TRIM44: variants seen among roughly 807,000 people sequenced by gnomAD.
TRIM44 encodes the protein tripartite motif containing 44.
Under a neutral mutation model 37.4 loss-of-function variants are expected in TRIM44, and 13 were observed. The ratio of observed to expected loss-of-function variants is 0.35; its 90% confidence interval spans 0.23 to 0.55. The LOEUF is 0.55. Among genes scored for constraint, TRIM44 ranks in the 20% least tolerant of loss-of-function variants. TRIM44 has a pLI of 0.89. For synonymous variants in TRIM44, 175 were observed against 157.2 expected, an observed-to-expected ratio of 1.11 and a Z score of -0.85; for missense variants, 426 against 437.2, an observed-to-expected ratio of 0.97 and a Z score of 0.23.
chr11:35,768,763 G>A (rs575497614), intron 4 of TRIM44, among the ~76,000 whole-genome samples: 11 of 152,244 alleles, frequency 7.2e-5, no homozygotes, highest in Admixed American at 5.2e-4. Flanking sequence ...AAATGCTTTT[G>A]GTTAGACAAA....
Position 35,809,312 on chromosome 11 carries a change from T to C in TRIM44, c.*2927T>C, listed in dbSNP as rs753296441. 6.6e-6 allele frequency: 1 copy of C among 152,334 alleles called. No homozygotes were observed. The highest frequency in any genetic ancestry group is 1.5e-5 in the Non-Finnish European group (1 of 68,032). The allele number at this position is 152,334 out of a possible 1,614,324, so 9.4% of individuals were successfully genotyped here. On this transcript the variant is annotated 3_prime_UTR_variant, in exon 5 of 5. Transcript: ENST00000299413. ...TCTTGAACGCAGCTCCCCCTAATTC[T>C]GTGGACAGGCACTTTGTACCACACA...
chr11:35,676,050 C>A (rs1776081609), intron 1 of TRIM44, among the ~76,000 whole-genome samples: 1 of 152,136 alleles, frequency 6.6e-6, no homozygotes, highest in South Asian at 2.1e-4. Flanking sequence ...GTTGGCTTTG[C>A]AGTCTGTTTT....
At chr11:35,739,132 T>G (rs1852361032) in intron 4 of TRIM44, among the ~76,000 whole-genome samples, 3 of 152,232 alleles carry the variant, frequency 2.0e-5, no homozygotes, top group Admixed American at 2.0e-4. Flanking sequence ...AATTTCATTG[T>G]GCAGTTATTC....
chr11:35,663,884 A>G, intron 1 of TRIM44, 104 bp downstream of exon 1: 1 of 1,382,328 alleles, frequency 7.2e-7, no homozygotes, highest in African/African-American at 1.4e-5. Context: ...TGTCCCTAAG[A>G]AGCTAGTCTT....
At chr11:35,758,266 T>C (rs1270798714) in intron 4 of TRIM44, among the ~76,000 whole-genome samples, 1 of 152,218 alleles carries the variant, frequency 6.6e-6, no homozygotes, top group East Asian at 1.9e-4. Context: ...GCCTTCTTTG[T>C]CTCTTTTGAT....
intron 2 of TRIM44, among the ~76,000 whole-genome samples, chr11:35,701,033 G>T (rs999631406): frequency 6.6e-6 from 1 of 151,956 alleles, no homozygotes; most frequent in Non-Finnish European, 1.5e-5. Context: ...TTTTTAATTG[G>T]ATTACTGGGT....
At position 35,806,560 on chromosome 11, in the gene TRIM44, T is replaced by C; in HGVS notation, c.*175T>C. 1.5e-6 allele frequency: 1 copy of C among 652,766 alleles called. No homozygotes were observed. The highest frequency in any genetic ancestry group is 2.7e-6 in the Non-Finnish European group (1 of 372,196). 40.4% of individuals were successfully genotyped at this position (652,766 alleles called of 1,614,324 possible). A position where few individuals can be genotyped will look rare whatever the true frequency, so the allele number is the denominator to read the frequency against. ...CTCCAAGGGATGACCAGTTTTATGCTTACTGTGTGCTTCTCATCCCCTGGT... is the reference window on the plus strand; with the variant it reads ...CTCCAAGGGATGACCAGTTTTATGCCTACTGTGTGCTTCTCATCCCCTGGT... On this transcript the variant is annotated 3_prime_UTR_variant, in exon 5 of 5. Coordinates refer to ENST00000299413, the MANE Select transcript of TRIM44 (RefSeq NM_017583.6).
intron 2 of TRIM44, among the ~76,000 whole-genome samples, chr11:35,708,712 G>A (rs1166813445): frequency 2.0e-5 from 3 of 151,780 alleles, no homozygotes; most frequent in African/African-American, 7.3e-5. Context: ...ATTGAACAAT[G>A]AGAACACATG....
chr11:35,749,869 AATAGAG>A (rs1852540028), intron 4 of TRIM44, among the ~76,000 whole-genome samples: 1 of 152,226 alleles, frequency 6.6e-6, no homozygotes, highest in Non-Finnish European at 1.5e-5. Context: ...TTGCCTCCAT[AATAGAG>A]ATGGGATTAT....
In TRIM44 at chr11:35,688,950, C is replaced by T. The variant is rs574783798; in HGVS notation, c.747+3614C>T. Among the ~76,000 whole-genome samples, 9 of 152,166 alleles carry T rather than the reference C, an allele frequency of 5.9e-5. No homozygotes were observed. In the East Asian group the frequency reaches 1.7e-3, roughly 29 times the overall value. On this transcript the variant is annotated intron_variant, in intron 2 of 4. Transcript: ENST00000299413. ...CTTCTTTGAACAAGTAGAAGAGCCC[C>T]TAGAAATAAGTCCAGGTGATTTCAA...
chr11:35,695,537 T>A (rs747139093), intron 2 of TRIM44, among the ~76,000 whole-genome samples: 45 of 152,158 alleles, frequency 3.0e-4, no homozygotes, highest in Admixed American at 1.3e-3. Flanking sequence ...TCAAATGATA[T>A]GATTCTGAAG....
At chr11:35,723,643 A>G (rs959620406) in intron 2 of TRIM44, among the ~76,000 whole-genome samples, 4 of 152,206 alleles carry the variant, frequency 2.6e-5, no homozygotes, top group Non-Finnish European at 5.9e-5. Context: ...TCCATGACTC[A>G]TTCACCTGCT....
In TRIM44 at chr11:35,809,955, C is replaced by A. The variant is rs1395637369; in HGVS notation, c.*3570C>A. Reference sequence around the variant, plus strand: ...CCCTTCATTATCTTGCGTACTACTTCAAAGATTTCTGTCAGCCCTAATTAC... The same window carrying A: ...CCCTTCATTATCTTGCGTACTACTTAAAAGATTTCTGTCAGCCCTAATTAC... On this transcript the variant is annotated 3_prime_UTR_variant, in exon 5 of 5. Transcript: ENST00000299413. 1 of 152,164 alleles carries A rather than the reference C, an allele frequency of 6.6e-6. No individual in the cohort carries two copies. The highest frequency in any genetic ancestry group is 1.5e-5 in the Non-Finnish European group (1 of 68,032). 9.4% of individuals were successfully genotyped at this position (152,164 alleles called of 1,614,324 possible).
rs1012544937 is a variant in TRIM44 at position 35,776,996 on chromosome 11, G to T, written c.1008-29362G>T. Among the ~76,000 whole-genome samples, 43 of 152,138 alleles carry T rather than the reference G, an allele frequency of 2.8e-4. 1 individual carries two copies. Among genetic ancestry groups the T allele is most frequent in the Non-Finnish European group, 1.3e-4 (9 of 68,014 alleles). On this transcript the variant is annotated intron_variant, in intron 4 of 4. Coordinates refer to ENST00000299413, the MANE Select transcript of TRIM44 (RefSeq NM_017583.6). ...CTGCTTGGTGCAGAGCTGAGTTCAA[G>T]TCCTGGATATCCTTGTTAACCTTCT... is the stretch of plus-strand genomic sequence containing the variant.
intron 4 of TRIM44, among the ~76,000 whole-genome samples, chr11:35,742,716 T>C (rs1233730647): frequency 7.3e-6 from 1 of 137,840 alleles, no homozygotes; most frequent in Non-Finnish European, 1.5e-5. Context: ...TTAACTATAT[T>C]AAATATAATT....
intron 4 of TRIM44, among the ~76,000 whole-genome samples, chr11:35,756,091 T>C (rs970211155): frequency 3.9e-5 from 6 of 152,222 alleles, no homozygotes; most frequent in Admixed American, 3.3e-4. Flanking sequence ...TAAATTACCT[T>C]GGGCAGTATG....
At chr11:35,712,441 C>T (rs916189372) in intron 2 of TRIM44, among the ~76,000 whole-genome samples, 3 of 152,104 alleles carry the variant, frequency 2.0e-5, no homozygotes, top group African/African-American at 7.2e-5. Flanking sequence ...TCTCCCTTCC[C>T]CTGCAGCTTT....
chr11:35,770,667 T>C (rs1590586971), intron 4 of TRIM44, among the ~76,000 whole-genome samples: 2 of 152,198 alleles, frequency 1.3e-5, no homozygotes, highest in South Asian at 2.1e-4. Context: ...TTTTTCCATA[T>C]GTTTGTTGGC....
At chr11:35,713,485 A>G (rs1484907346) in intron 2 of TRIM44, among the ~76,000 whole-genome samples, 2 of 149,526 alleles carry the variant, frequency 1.3e-5, no homozygotes, top group Admixed American at 6.8e-5. Context: ...GTAAAAGTTT[A>G]CATTGAATAT....
Sources: gnomAD v4.1 joint callset for allele counts (sites outside exome capture counted in the v4.1 genomes callset) on GRCh38, gnomAD v4.1.1 for gene constraint, MANE v1.5 for transcripts, NCBI Gene and HGNC (gene_info 2026-07-23, HGNC 2026-07-21) for gene names.